TM4SF1: variants seen among roughly 807,000 people sequenced by gnomAD.
The protein encoded by TM4SF1 is transmembrane 4 L6 family member 1.
In TM4SF1, 20 loss-of-function variants were observed where a neutral mutation model predicts 24.5. The observed-to-expected ratio is 0.82, with a 90% CI of 0.57 to 1.19. TM4SF1 has a LOEUF of 1.19. TM4SF1 is among the 50% of genes most tolerant of loss of function. The pLI is 0.00. For missense variants in TM4SF1, 258 were observed against 248.1 expected (o/e 1.04, Z -0.27); for synonymous variants, 107 against 95.4 (o/e 1.12, Z -0.71).
At chr3:149,372,712 G>A (rs909325714) in intron 3 of TM4SF1, among the ~76,000 whole-genome samples, 13 of 152,136 alleles carry the variant, frequency 8.5e-5, no homozygotes, top group South Asian at 4.2e-4. Flanking sequence ...CAACCTCTAC[G>A]TCCCAGGTTC....
chr3:149,372,995 A>G (rs1382839916), intron 3 of TM4SF1, among the ~76,000 whole-genome samples: 4 of 152,164 alleles, frequency 2.6e-5, no homozygotes, highest in Admixed American at 6.5e-5. Context: ...AGTAATCTCA[A>G]TGCAACAGAT....
At position 149,377,431 on chromosome 3, in the gene TM4SF1, G is replaced by A. The variant is rs1195878314; in HGVS notation, c.117C>T (p.Ser39=). Residue 39 remains serine, a synonymous_variant, in exon 1 of 5, where the codon TCC becomes TCT. Coordinates refer to ENST00000305366, the MANE Select transcript of TM4SF1 (RefSeq NM_014220.3). ...YFPNGETKYA[S]ENHLSRFVWF... is the part of the protein sequence containing the mutation. Reference sequence around the variant, plus strand: ...ACACGAAGCGGCTGAGGTGGTTTTCGGAGGCATACTTTGTTTCCCCATTGG... The same window carrying A: ...ACACGAAGCGGCTGAGGTGGTTTTCAGAGGCATACTTTGTTTCCCCATTGG... 9.9e-6 allele frequency: 16 copies of A among 1,613,926 alleles called. No individual in the cohort carries two copies. The highest frequency in any genetic ancestry group is 2.2e-5 in the East Asian group (1 of 44,894).
At position 149,377,362 on chromosome 3, in the gene TM4SF1, A is replaced by G. The variant is rs1457853847; in HGVS notation, c.177+9T>C. On this transcript the variant is annotated intron_variant, in intron 1 of 4. Coordinates refer to ENST00000305366, the MANE Select transcript of TM4SF1 (RefSeq NM_014220.3). ...GGAGAGAATTCAGTAATAATCCTGA[A>G]TGACTTACCAGCAGGCCACCTCCTA... 4 of 1,611,172 alleles carry G rather than the reference A, an allele frequency of 2.5e-6. No homozygotes were observed. In the South Asian group the frequency reaches 4.4e-5, roughly 18 times the overall value.
At chr3:149,373,556 T>G (rs1168043167) in intron 3 of TM4SF1, among the ~76,000 whole-genome samples, 1 of 152,214 alleles carries the variant, frequency 6.6e-6, no homozygotes, top group Non-Finnish European at 1.5e-5. Context: ...AATCAGAGAT[T>G]ATAGTTGTTC....
intron 4 of TM4SF1, 145 bp from the exon 5 acceptor site, chr3:149,370,025 A>C: frequency 1.0e-6 from 1 of 982,526 alleles, no homozygotes; most frequent in Non-Finnish European, 1.5e-6. Flanking sequence ...TAGGGCTTGG[A>C]CAATGCTCAC....
Position 149,375,735 on chromosome 3 carries a change from T to C in TM4SF1, c.212A>G (p.Glu71Gly). Residue 71 changes from glutamate to glycine, a missense_variant, in exon 2 of 5, where the codon GAA becomes GGA. Glu to Gly is a moderately conservative substitution (Grantham distance 98). Coordinates refer to ENST00000305366, the MANE Select transcript of TM4SF1 (RefSeq NM_014220.3). ...LLPAFVFIGL[E>G]QDDCCGCCGH... ...ACAGCAGCCACAGCAGTCATCCTGT[T>C]CCAGCCCAATGAAGACAAATGCTGG... 6.2e-7 allele frequency: 1 copy of C among 1,614,202 alleles called. No homozygotes were observed. Among genetic ancestry groups the C allele is most frequent in the Non-Finnish European group, 8.5e-7 (1 of 1,180,028 alleles).
At chr3:149,373,693 GT>G (rs1252488976) in intron 3 of TM4SF1, among the ~76,000 whole-genome samples, 6 of 152,182 alleles carry the variant, frequency 3.9e-5, no homozygotes, top group African/African-American at 1.4e-4. Flanking sequence ...CAACTAACCT[GT>G]GGCTTGTGAC....
In TM4SF1 at chr3:149,375,604, C is replaced by A. The variant is rs2108379464; in HGVS notation, c.268-16G>T. The A allele has an allele frequency of 6.2e-7, 1 of 1,614,182 alleles. No individual in the cohort carries two copies. Among genetic ancestry groups the A allele is most frequent in the Non-Finnish European group, 8.5e-7 (1 of 1,180,026 alleles). Reference sequence around the variant, plus strand: ...AAGAAAGCATCTAGGGAAAAGCAGACACACAGGAAGTGAGCCACAGAGTGC... The same window carrying A: ...AAGAAAGCATCTAGGGAAAAGCAGAAACACAGGAAGTGAGCCACAGAGTGC... On this transcript the variant is annotated splice_polypyrimidine_tract_variant and intron_variant, in intron 2 of 4. Transcript: ENST00000305366.
chr3:149,377,440 C>G lies in TM4SF1; in HGVS notation c.108G>C (p.Lys36Asn). The G allele has an allele frequency of 3.1e-6, 5 of 1,614,116 alleles. No individual in the cohort carries two copies. Among genetic ancestry groups the G allele is most frequent in the South Asian group, 2.2e-5 (2 of 91,068 alleles). The change falls in exon 1 of 5, where the codon AAG (lysine) becomes AAC (asparagine). Residue 36 changes from lysine (K) to asparagine (N), a missense_variant. By Grantham distance (94) the Lys-to-Asn change is moderately conservative. Coordinates refer to ENST00000305366, the MANE Select transcript of TM4SF1 (RefSeq NM_014220.3). ...GGCTGAGGTGGTTTTCGGAGGCATA[C>G]TTTGTTTCCCCATTGGGAAAGTAAA... ...ILLYFPNGET[K>N]YASENHLSRF... is the part of the protein sequence containing the mutation.
At chr3:149,369,995 A>T in intron 4 of TM4SF1, 115 bp from the exon 5 acceptor site, 1 of 1,318,226 alleles carries the variant, frequency 7.6e-7, no homozygotes, top group South Asian at 1.4e-5. Context: ...AGCTTCAGCA[A>T]AGCTTAGGCC....
At chr3:149,372,328 A>G (rs1435826475) in intron 3 of TM4SF1, among the ~76,000 whole-genome samples, 2 of 152,102 alleles carry the variant, frequency 1.3e-5, no homozygotes, top group Non-Finnish European at 2.9e-5. Flanking sequence ...TTCCAATTTT[A>G]TTGTTGTTAT....
chr3:149,375,914 C>A (rs920463470), intron 1 of TM4SF1, 145 bp from the exon 2 acceptor site: 3 of 730,602 alleles, frequency 4.1e-6, no homozygotes, highest in African/African-American at 1.8e-5. Flanking sequence ...AGAATGTAAA[C>A]CTCTGAGGAG....
At chr3:149,373,120 G>T (rs6440605) in intron 3 of TM4SF1, among the ~76,000 whole-genome samples, 130,309 of 152,236 alleles carry the variant, frequency 0.86, 55,873 homozygotes, top group Admixed American at 0.88. Flanking sequence ...ATGAAGGTAG[G>T]AGCCAGACCT....
Position 149,377,504 on chromosome 3 carries a change from A to G in TM4SF1, c.44T>C (p.Val15Ala), listed in dbSNP as rs1731989766. Residue 15 changes from valine to alanine, a missense_variant, in exon 1 of 5, where the codon GTG becomes GCG. Physicochemically the swap from Val to Ala is moderately conservative, Grantham distance 64. Coordinates refer to ENST00000305366, the MANE Select transcript of TM4SF1 (RefSeq NM_014220.3). ...KCARCIGHSL[V>A]GLALLCIAAN... ...CGCGATGCACAGGAGGGCGAGCCCC[A>G]CCAGAGAATGTCCGATGCATCGTGC... The G allele has an allele frequency of 1.2e-6, 2 of 1,614,108 alleles. No homozygotes were observed. Among genetic ancestry groups the G allele is most frequent in the Non-Finnish European group, 1.7e-6 (2 of 1,180,034 alleles).
At chr3:149,370,185 T>C (rs971835886) in intron 4 of TM4SF1, 2 of 272,698 alleles carry the variant, frequency 7.3e-6, no homozygotes, top group African/African-American at 4.6e-5. Context: ...GATAATGCCA[T>C]GGAAGTTTCA....
rs1202835124 is a variant in TM4SF1, at chr3:149,375,515, C to G, written c.341G>C (p.Gly114Ala). 1 of 1,614,186 alleles carries G rather than the reference C, an allele frequency of 6.2e-7. No homozygotes were observed. Residue 114 changes from glycine to alanine, a missense_variant, in exon 3 of 5, where the codon GGC becomes GCC. Transcript: ENST00000305366. ...SGYCVIVAAL[G>A]LAEGPLCLDS... Reference sequence around the variant, plus strand: ...AAGACATAGTGGTCCTTCTGCTAAGCCAAGGGCTGCCACAATGACACAGTA... The same window carrying G: ...AAGACATAGTGGTCCTTCTGCTAAGGCAAGGGCTGCCACAATGACACAGTA...
chr3:149,370,686 TA>T (rs1374907801), intron 4 of TM4SF1: 3 of 152,228 alleles, frequency 2.0e-5, no homozygotes, highest in African/African-American at 7.2e-5. Flanking sequence ...TTAATCTTGC[TA>T]TACTTGCCTG....
At chr3:149,370,355 T>C (rs1315222721) in intron 4 of TM4SF1, 1 of 154,520 alleles carries the variant, frequency 6.5e-6, no homozygotes, top group Non-Finnish European at 1.4e-5. Flanking sequence ...AAGCCATCCC[T>C]ACAGTGACTC....
chr3:149,375,311 A>G, intron 3 of TM4SF1, 132 bp downstream of exon 3: 4 of 1,152,890 alleles, frequency 3.5e-6, no homozygotes, highest in Non-Finnish European at 4.9e-6. Flanking sequence ...ACCATGCCTG[A>G]GTCAGTGAGA....
Sources: gnomAD v4.1 joint callset for allele counts (sites outside exome capture counted in the v4.1 genomes callset) on GRCh38, gnomAD v4.1.1 for gene constraint, MANE v1.5 for transcripts, NCBI Gene and HGNC (gene_info 2026-07-23, HGNC 2026-07-21) for gene names.